The following DLGAP4 variants were observed in gnomAD, a reference collection of about 807,000 sequenced individuals.
The protein encoded by DLGAP4 is disks large-associated protein 4.
A neutral mutation model predicts 86.9 loss-of-function variants in DLGAP4; 18 were observed. The ratio of observed to expected loss-of-function variants is 0.21; its 90% CI spans 0.14 to 0.31. The LOEUF is 0.31. Among genes scored for constraint, DLGAP4 ranks in the 10% least tolerant of loss-of-function variants. The pLI is 1.00. For missense variants in DLGAP4, 1,085 were observed against 1,362.6 expected (o/e 0.80, Z 3.21); for synonymous variants, 548 against 574.3 (o/e 0.95, Z 0.65).
At chr20:36,315,120 A>T (rs1169985505) in intron 1 of DLGAP4, among the ~76,000 whole-genome samples, 2 of 104,142 alleles carry the variant, frequency 1.9e-5, no homozygotes, top group African/African-American at 3.9e-5. Flanking sequence ...GATGTGTGGT[A>T]TGTGGTGTGG....
chr20:36,476,305 C>T (rs1288843955), intron 7 of DLGAP4, among the ~76,000 whole-genome samples: 5 of 150,596 alleles, frequency 3.3e-5, no homozygotes, highest in Admixed American at 6.6e-5. Flanking sequence ...CTTGCCTGGT[C>T]CCTGGCAACC....
chr20:36,437,317 G>A (rs1343729691), intron 4 of DLGAP4, among the ~76,000 whole-genome samples: 1 of 152,204 alleles, frequency 6.6e-6, no homozygotes, highest in African/African-American at 2.4e-5. Flanking sequence ...CCACACTCGG[G>A]TGATAGGTCC....
At chr20:36,497,386 C>T (rs940186022) in intron 8 of DLGAP4, 2 of 1,190,030 alleles carry the variant, frequency 1.7e-6, no homozygotes, top group East Asian at 4.7e-5. Flanking sequence ...TCCACTCCAC[C>T]CTTTGCCCTG....
intron 2 of DLGAP4, among the ~76,000 whole-genome samples, chr20:36,397,732 G>GT (rs1361636680): frequency 6.6e-6 from 1 of 152,134 alleles, no homozygotes; most frequent in Non-Finnish European, 1.5e-5. Flanking sequence ...AGAAATAGAT[G>GT]TTTTTTAAAT....
rs375780714 is a variant in DLGAP4, at chr20:36,497,099, C to A, written c.2010+33C>A. ...CTCCTTTTGCACTCTGTGTCCTCAG[C>A]CCACTCCGTGCACCTGCCTGTGTGT... is the stretch of plus-strand genomic sequence containing the variant. On this transcript the variant is annotated intron_variant, in intron 8 of 12. Transcript: ENST00000339266. 55 of 1,552,162 alleles carry A rather than the reference C, an allele frequency of 3.5e-5. No homozygotes were observed. In the African/African-American group the frequency reaches 7.5e-4, roughly 21 times the overall value.
intron 2 of DLGAP4, among the ~76,000 whole-genome samples, chr20:36,423,288 TC>T (rs899319110): frequency 1.3e-5 from 2 of 151,440 alleles, no homozygotes; most frequent in Non-Finnish European, 2.9e-5. Context: ...AAACCCCGTC[TC>T]TACCAAAAGT....
chr20:36,320,115 T>TCC (rs2065152103), intron 1 of DLGAP4, among the ~76,000 whole-genome samples: 12 of 90,580 alleles, frequency 1.3e-4, no homozygotes, highest in African/African-American at 6.6e-4. Context: ...CGCATTCCCC[T>TCC]AGGCCCCCCT....
At chr20:36,365,742 T>A (rs1555894591) in intron 1 of DLGAP4, among the ~76,000 whole-genome samples, 2 of 152,206 alleles carry the variant, frequency 1.3e-5, no homozygotes, top group Non-Finnish European at 2.9e-5. Context: ...TAAGGAGAGA[T>A]GGTGAGGCCT....
intron 1 of DLGAP4, among the ~76,000 whole-genome samples, chr20:36,329,911 A>G (rs1282114369): frequency 6.6e-6 from 1 of 152,082 alleles, no homozygotes; most frequent in Non-Finnish European, 1.5e-5. Flanking sequence ...GATGCCTGTA[A>G]TCTCAGCTAC....
At chr20:36,467,017 CCTCTCTCTCT>C (rs55778929) in intron 7 of DLGAP4, among the ~76,000 whole-genome samples, 1,584 of 50,338 alleles carry the variant, frequency 0.031, 74 homozygotes, top group African/African-American at 0.068. Flanking sequence ...CTCTCTCTCT[CCTCTCTCTCT>C]CTCTCTCTCT....
At chr20:36,507,212 G>GT (rs71184099) in intron 10 of DLGAP4, among the ~76,000 whole-genome samples, 5,374 of 147,420 alleles carry the variant, frequency 0.036, 143 homozygotes, top group African/African-American at 0.079. Flanking sequence ...CACAAAAGTT[G>GT]TTTTTTTTTT....
intron 7 of DLGAP4, among the ~76,000 whole-genome samples, chr20:36,494,982 CG>C (rs2035820259): frequency 1.1e-5 from 1 of 87,962 alleles, no homozygotes; most frequent in African/African-American, 4.1e-5. Flanking sequence ...TTTTTTTGTT[CG>C]GTTTTTTTTT....
chr20:36,351,708 C>T (rs908462289), intron 1 of DLGAP4, among the ~76,000 whole-genome samples: 1 of 152,034 alleles, frequency 6.6e-6, no homozygotes, highest in Non-Finnish European at 1.5e-5. Context: ...TTCCTGGTGG[C>T]GAAAAGGTTG....
At chr20:36,418,946 G>A (rs555022397) in intron 2 of DLGAP4, among the ~76,000 whole-genome samples, 2 of 152,174 alleles carry the variant, frequency 1.3e-5, no homozygotes, top group Non-Finnish European at 2.9e-5. Flanking sequence ...AAGGAATCCC[G>A]GAATCTCAAC....
intron 2 of DLGAP4, among the ~76,000 whole-genome samples, chr20:36,395,963 A>C (rs1484320662): frequency 1.3e-5 from 2 of 152,142 alleles, no homozygotes; most frequent in Admixed American, 1.3e-4. Flanking sequence ...GGTCCCTGAG[A>C]CTGGCTGGGC....
At chr20:36,499,348 C>A in intron 8 of DLGAP4, 1 of 1,606,924 alleles carries the variant, frequency 6.2e-7, no homozygotes, top group Non-Finnish European at 8.5e-7. Context: ...ATCTCCACCC[C>A]ATCCCACCTC....
intron 2 of DLGAP4, among the ~76,000 whole-genome samples, chr20:36,411,466 G>A (rs1343387262): frequency 6.6e-6 from 1 of 152,160 alleles, no homozygotes; most frequent in Non-Finnish European, 1.5e-5. Flanking sequence ...TCCATGGGGT[G>A]CTGGGTGATC....
Position 36,496,147 on chromosome 20 carries a change from C to T in DLGAP4, c.1649-558C>T, listed in dbSNP as rs144073823. Among the ~76,000 whole-genome samples, 101 of 152,240 alleles carry T rather than the reference C, an allele frequency of 6.6e-4. No homozygotes were observed. In the East Asian group the frequency reaches 0.018, roughly 27 times the overall value. ...TCAGCCTCCCAAAATGCTGGGACTA[C>T]AGGCGTGAGCCACTGCGCCCGGCCA... On this transcript the variant is annotated intron_variant, in intron 7 of 12. Coordinates refer to ENST00000339266, the MANE Select transcript of DLGAP4 (RefSeq NM_001365621.2).
At chr20:36,426,045 T>C (rs569106439) in intron 2 of DLGAP4, among the ~76,000 whole-genome samples, 1 of 152,286 alleles carries the variant, frequency 6.6e-6, no homozygotes, top group Non-Finnish European at 1.5e-5. Context: ...GGATGGAATA[T>C]GATGCAGCCA....
Sources: allele counts gnomAD v4.1 joint callset (sites outside exome capture counted in the v4.1 genomes callset), GRCh38; gene constraint gnomAD v4.1.1; transcripts MANE v1.5; gene names NCBI Gene and HGNC (gene_info 2026-07-23, HGNC 2026-07-21).